CDYL: variants seen among roughly 807,000 people sequenced by gnomAD.
CDYL encodes chromodomain Y-like protein.
Under a neutral mutation model 47.3 loss-of-function variants are expected in CDYL, and 8 were observed. The ratio of observed to expected loss-of-function variants is 0.17; its 90% CI spans 0.10 to 0.31. CDYL has a LOEUF of 0.31. Among genes scored for constraint, CDYL ranks in the 10% least tolerant of loss-of-function variants. CDYL has a pLI of 1.00. For synonymous variants in CDYL, 266 were observed against 265.0 expected (o/e 1.00, Z -0.04); for missense variants, 471 against 701.4 (o/e 0.67, Z 3.71).
intron 3 of CDYL, among the ~76,000 whole-genome samples, chr6:4,771,064 C>T (rs1758330855): frequency 1.3e-5 from 2 of 152,148 alleles, no homozygotes. Flanking sequence ...GATGGATGCT[C>T]TCTAATACTG....
intron 1 of CDYL, among the ~76,000 whole-genome samples, chr6:4,838,780 G>A (rs919529532): frequency 3.3e-5 from 5 of 151,820 alleles, no homozygotes; most frequent in African/African-American, 4.8e-5. Context: ...TCCACCTCCC[G>A]GGTTCAAGCG....
chr6:4,769,965 TTGTGTGTGTGTGTGTGTGTG>T (rs58041362), intron 3 of CDYL, among the ~76,000 whole-genome samples: 12 of 137,816 alleles, frequency 8.7e-5, no homozygotes, highest in African/African-American at 2.7e-4. Context: ...CCCGGCTAAT[TTGTGTGTGTGTGTGTGTGTG>T]TGTGTGTGTG....
chr6:4,891,656 C>G (rs1251885580), intron 1 of CDYL, 57 bp from the exon 2 acceptor site: 19 of 1,397,726 alleles, frequency 1.4e-5, no homozygotes, highest in Non-Finnish European at 1.7e-5. Flanking sequence ...ATGAAACTTG[C>G]ACTTTTCCCC....
chr6:4,723,903 T>C (rs370545792), intron 2 of CDYL, among the ~76,000 whole-genome samples: 28 of 152,366 alleles, frequency 1.8e-4, no homozygotes, highest in East Asian at 7.7e-4. Flanking sequence ...AATCAAGTTA[T>C]TCATTCCTTA....
At chr6:4,780,243 T>A (rs1007873005) in intron 1 of CDYL, among the ~76,000 whole-genome samples, 1 of 151,838 alleles carries the variant, frequency 6.6e-6, no homozygotes, top group African/African-American at 2.4e-5. Flanking sequence ...CTTTCTCTTT[T>A]TTTTTTTCAA....
chr6:4,847,733 G>A (rs964366666), intron 1 of CDYL, among the ~76,000 whole-genome samples: 1 of 152,070 alleles, frequency 6.6e-6, no homozygotes, highest in African/African-American at 2.4e-5. Flanking sequence ...GCTTTAGAAC[G>A]GGCAAAAATG....
At chr6:4,773,051 G>T (rs904341002), upstream of CDYL, 1 of 448,382 alleles carries the variant, frequency 2.2e-6, no homozygotes, top group African/African-American at 2.0e-5. This position sits in a 1 kb window ranked among gnomAD's most constrained non-coding sequence, Gnocchi z 4.6. Context: ...TCCCGAGATG[G>T]GAAGAGGCTG....
intron 1 of CDYL, among the ~76,000 whole-genome samples, chr6:4,804,431 A>T (rs1435190363): frequency 1.3e-5 from 2 of 152,238 alleles, no homozygotes; most frequent in African/African-American, 2.4e-5. Context: ...GTGTTGAAAT[A>T]GAAGTACAGT....
chr6:4,921,274 T>A (rs528544117), intron 2 of CDYL, among the ~76,000 whole-genome samples: 1 of 152,248 alleles, frequency 6.6e-6, no homozygotes, highest in South Asian at 2.1e-4. Context: ...CTAAGCCTCG[T>A]TTTCTCTCTC....
chr6:4,903,793 A>G (rs1409496341), intron 2 of CDYL, among the ~76,000 whole-genome samples: 1 of 152,092 alleles, frequency 6.6e-6, no homozygotes, highest in Non-Finnish European at 1.5e-5. Flanking sequence ...CCTGAAACAC[A>G]TTTTCCTCAG....
intron 3 of CDYL, among the ~76,000 whole-genome samples, chr6:4,739,089 A>T (rs1052847882): frequency 1.3e-5 from 2 of 152,072 alleles, no homozygotes; most frequent in Non-Finnish European, 2.9e-5. Flanking sequence ...TCAACCTGGG[A>T]GGCGGAGGTT....
intron 3 of CDYL, among the ~76,000 whole-genome samples, chr6:4,756,261 C>T (rs1419432731): frequency 6.6e-6 from 1 of 152,148 alleles, no homozygotes; most frequent in Non-Finnish European, 1.5e-5. Context: ...CCCTGACAGT[C>T]TAAGCTTTCC....
intron 1 of CDYL, among the ~76,000 whole-genome samples, chr6:4,872,506 A>C (rs2127473892): frequency 6.6e-6 from 1 of 151,928 alleles, no homozygotes; most frequent in African/African-American, 2.4e-5. Context: ...TCACCCTCCC[A>C]AGTAGCTGGG....
intron 2 of CDYL, among the ~76,000 whole-genome samples, chr6:4,900,275 A>G (rs1756981196): frequency 1.3e-5 from 2 of 152,166 alleles, no homozygotes; most frequent in African/African-American, 4.8e-5. Context: ...TTAAGACTCA[A>G]ATTATTTCTT....
intron 1 of CDYL, among the ~76,000 whole-genome samples, chr6:4,860,664 A>G (rs562506084): frequency 3.6e-4 from 54 of 148,642 alleles, no homozygotes; most frequent in African/African-American, 1.3e-3. Context: ...TATATATAGG[A>G]GTTTATTAAG....
chr6:4,843,887 T>G (rs770310550), intron 1 of CDYL, among the ~76,000 whole-genome samples: 49 of 152,318 alleles, frequency 3.2e-4, no homozygotes, highest in African/African-American at 1.1e-3. Flanking sequence ...TCTTTTGGTG[T>G]TGTTAAAGAA....
chr6:4,834,368 A>C (rs1257799962), intron 1 of CDYL, among the ~76,000 whole-genome samples: 4 of 148,770 alleles, frequency 2.7e-5, no homozygotes, highest in Non-Finnish European at 6.0e-5. Context: ...TCTGGGTTGA[A>C]AATTCTTTTC....
At chr6:4,840,910 T>TA (rs1760470373) in intron 1 of CDYL, among the ~76,000 whole-genome samples, 7 of 152,160 alleles carry the variant, frequency 4.6e-5, no homozygotes, top group Admixed American at 3.3e-4. Context: ...GTTTTGGTAT[T>TA]AGAGTGACAC....
At chr6:4,768,978 A>C (rs1007727646) in intron 3 of CDYL, among the ~76,000 whole-genome samples, 1 of 152,236 alleles carries the variant, frequency 6.6e-6, no homozygotes, top group African/African-American at 2.4e-5. Context: ...AGTTGAGGAC[A>C]TTCTGCAAAC....
Sources: allele counts gnomAD v4.1 joint callset (sites outside exome capture counted in the v4.1 genomes callset), GRCh38; gene constraint gnomAD v4.1.1; non-coding constraint Gnocchi (gnomAD v3.1); transcripts MANE v1.5; gene names NCBI Gene and HGNC (gene_info 2026-07-23, HGNC 2026-07-21).